ABHD18: variants seen among roughly 807,000 people sequenced by gnomAD.
ABHD18 encodes the protein cardiolipin-specific deacylase, mitochondrial.
In ABHD18, 55 loss-of-function variants were observed where a neutral mutation model predicts 65.9. The ratio of observed to expected loss-of-function variants is 0.84; its 90% CI spans 0.67 to 1.05. The LOEUF (loss-of-function observed/expected upper bound fraction) is 1.05, where lower values mean the gene tolerates loss of function less well. Among genes scored for constraint, ABHD18 ranks in the 50% least tolerant of loss-of-function variants. ABHD18 has a pLI of 0.00. For synonymous variants in ABHD18, 181 were observed against 180.2 expected, an observed-to-expected ratio of 1.00 and a Z score of -0.04; for missense variants, 533 against 558.5, an observed-to-expected ratio of 0.95 and a Z score of 0.46.
intron 1 of ABHD18, among the ~76,000 whole-genome samples, chr4:127,975,649 A>T (rs1747766567): frequency 6.6e-6 from 1 of 152,186 alleles, no homozygotes; most frequent in Non-Finnish European, 1.5e-5. Context: ...CAAATTCTAA[A>T]TTTTATGGAG....
rs777886651 is a variant in ABHD18 at position 128,011,679 on chromosome 4, G to A, written c.449G>A (p.Cys150Tyr). ...CTTTGACCCACATTCTTAAATGGCT[G>A]CAGGAAACCCAAGGACCAAGTGTAA... ...SLLLENPYYG[C>Y]RKPKDQVRSS... is the part of the protein sequence containing the mutation. The change falls in exon 7 of 13, where the codon TGC becomes TAC. Residue 150 changes from cysteine to tyrosine, a missense_variant. Physicochemically the swap from Cys to Tyr is radical, Grantham distance 194 (BLOSUM62 -2). This residue lies in a region of ABHD18 where 309 missense variants were observed against 313.5 expected (regional missense o/e 0.99). Transcript: ENST00000645843. The A allele has an allele frequency of 2.6e-6, 4 of 1,550,658 alleles. No individual in the cohort carries two copies. The highest frequency in any genetic ancestry group is 2.7e-5 in the African/African-American group (2 of 73,052).
rs988596582 is a variant in ABHD18, at chr4:128,039,028, T to C, written c.*3215T>C. The stretch of plus-strand genomic sequence containing the variant: ...AAATGGTGGCTTAAGTGTTCTCAAA[T>C]ACATAAATATACACATATACGTATA... On this transcript the variant is annotated 3_prime_UTR_variant, in exon 13 of 13. Coordinates refer to ENST00000645843, the MANE Select transcript of ABHD18 (RefSeq NM_001358451.3). 6.6e-6 allele frequency: 1 copy of C among 150,802 alleles called. No homozygotes were observed. The highest frequency in any genetic ancestry group is 6.6e-5 in the Admixed American group (1 of 15,106). 9.3% of individuals were successfully genotyped at this position (150,802 alleles called of 1,614,324 possible). A position where few individuals can be genotyped will look rare whatever the true frequency, so the allele number is the denominator to read the frequency against.
chr4:128,035,682 G>T, intron 12 of ABHD18, 80 bp from the exon 13 acceptor site: 1 of 793,832 alleles, frequency 1.3e-6, no homozygotes, highest in South Asian at 1.9e-5. Flanking sequence ...GATAAATTTG[G>T]AAATAACTTA....
intron 6 of ABHD18, among the ~76,000 whole-genome samples, 188 bp from the exon 7 acceptor site, chr4:128,011,485 T>TG (rs1263436610): frequency 6.6e-6 from 1 of 151,410 alleles, no homozygotes; most frequent in East Asian, 1.9e-4. Context: ...GCTGGTTTTT[T>TG]TTTTTTTTTT....
intron 12 of ABHD18, among the ~76,000 whole-genome samples, chr4:128,032,088 A>G (rs1405390517): frequency 3.9e-5 from 6 of 152,220 alleles, no homozygotes; most frequent in Non-Finnish European, 7.3e-5. Flanking sequence ...CGTATTAGGA[A>G]GAGTAGATTT....
In ABHD18 at chr4:128,033,524, C is replaced by CTTTTTTTTTTTT. The variant is rs869099600; in HGVS notation, c.1344-2229_1344-2218dup. Among the ~76,000 whole-genome samples, 884 of 108,604 alleles carry CTTTTTTTTTTTT rather than the reference C, an allele frequency of 8.1e-3. 22 individuals carry two copies. The highest frequency in any genetic ancestry group is 0.073 in the East Asian group (218 of 2,982). 71.2% of individuals were successfully genotyped at this position (108,604 alleles called of 152,430 possible). A position where few individuals can be genotyped will look rare whatever the true frequency, so the allele number is the denominator to read the frequency against. ...GCAGGCTATCAGTTTCAAAGATAGT[C>CTTTTTTTTTTTT]TTTTTTTTTTTTTTTTTTTTGTCTT... On this transcript the variant is annotated intron_variant, in intron 12 of 12. Coordinates refer to ENST00000645843, the MANE Select transcript of ABHD18 (RefSeq NM_001358451.3).
chr4:127,984,016 G>A (rs1330366708), intron 2 of ABHD18, among the ~76,000 whole-genome samples: 1 of 151,640 alleles, frequency 6.6e-6, no homozygotes, highest in African/African-American at 2.4e-5. Flanking sequence ...TCGCCTGGGT[G>A]ACAGAGCGAG....
intron 4 of ABHD18, chr4:128,001,685 A>G: frequency 6.5e-7 from 1 of 1,528,650 alleles, no homozygotes. Context: ...AGAATTTAGA[A>G]GGTTTTGGTG....
chr4:128,000,718 T>C (rs1362941542), intron 4 of ABHD18, among the ~76,000 whole-genome samples: 1 of 152,214 alleles, frequency 6.6e-6, no homozygotes, highest in Non-Finnish European at 1.5e-5. Flanking sequence ...GTGAATTACT[T>C]TGGACAGTAC....
In ABHD18 at chr4:128,039,480, A is replaced by C. The variant is rs1360300285; in HGVS notation, c.*3667A>C. 2 of 151,582 alleles carry C rather than the reference A, an allele frequency of 1.3e-5. No individual in the cohort carries two copies. Among genetic ancestry groups the C allele is most frequent in the Admixed American group, 6.6e-5 (1 of 15,136 alleles). The allele number at this position is 151,582 out of a possible 1,614,324, so 9.4% of individuals were successfully genotyped here. ...AGCCCTGAAGACCTCTAAGTTTGAG[A>C]CCCCTGATTTAGATCTGTAATTAGA... On this transcript the variant is annotated 3_prime_UTR_variant, in exon 13 of 13. Transcript: ENST00000645843.
At chr4:127,981,622 G>C (rs1306473114) in intron 1 of ABHD18, among the ~76,000 whole-genome samples, 4 of 152,088 alleles carry the variant, frequency 2.6e-5, no homozygotes, top group African/African-American at 9.7e-5. Flanking sequence ...TTCATCTATG[G>C]TGAACTGCAC....
At chr4:128,032,856 C>A (rs1023176079) in intron 12 of ABHD18, among the ~76,000 whole-genome samples, 11 of 152,174 alleles carry the variant, frequency 7.2e-5, no homozygotes, top group African/African-American at 2.7e-4. Context: ...ACATACATTA[C>A]ATGTACACAA....
chr4:128,001,551 C>A (rs1752630907), intron 4 of ABHD18, among the ~76,000 whole-genome samples: 1 of 152,094 alleles, frequency 6.6e-6, no homozygotes, highest in Non-Finnish European at 1.5e-5. Flanking sequence ...ATACTTTTTT[C>A]ATTGAGGTTC....
At chr4:127,987,858 C>T (rs112729112) in intron 3 of ABHD18, among the ~76,000 whole-genome samples, 9 of 152,066 alleles carry the variant, frequency 5.9e-5, no homozygotes, top group South Asian at 2.1e-4. Flanking sequence ...AAATGCAATG[C>T]AATTTCAATT....
At chr4:128,023,348 T>A (rs1168538562) in intron 10 of ABHD18, among the ~76,000 whole-genome samples, 1 of 123,840 alleles carries the variant, frequency 8.1e-6, no homozygotes, top group Non-Finnish European at 1.6e-5. Context: ...AGAGGATCAC[T>A]TGAAGCCAGG....
At chr4:127,966,666 G>A (rs1745493944) in intron 1 of ABHD18, among the ~76,000 whole-genome samples, 2 of 119,830 alleles carry the variant, frequency 1.7e-5, no homozygotes, top group Non-Finnish European at 3.2e-5. Context: ...AGACCATCCT[G>A]GCTAACACGG....
At chr4:128,022,073 C>A (rs1185852786) in intron 10 of ABHD18, among the ~76,000 whole-genome samples, 2 of 152,056 alleles carry the variant, frequency 1.3e-5, no homozygotes, top group African/African-American at 2.4e-5. Flanking sequence ...ACACCGGGGC[C>A]TGTTGAGGGG....
chr4:128,031,469 A>G (rs1441756187), intron 12 of ABHD18, among the ~76,000 whole-genome samples: 2 of 150,914 alleles, frequency 1.3e-5, no homozygotes, highest in African/African-American at 4.8e-5. Flanking sequence ...CTCCGTCTCA[A>G]AAAAAAAAAT....
intron 3 of ABHD18, among the ~76,000 whole-genome samples, chr4:127,986,110 C>T (rs1749904278): frequency 1.3e-5 from 2 of 152,184 alleles, no homozygotes; most frequent in African/African-American, 2.4e-5. Flanking sequence ...TCAACATTGT[C>T]ACTAATTCTA....
Sources: allele counts gnomAD v4.1 joint callset (sites outside exome capture counted in the v4.1 genomes callset), GRCh38; gene constraint gnomAD v4.1.1; regional missense constraint gnomAD v4.1.1; transcripts MANE v1.5; gene names NCBI Gene and HGNC (gene_info 2026-07-23, HGNC 2026-07-21).